Variants in ANKH observed in about 807,000 individuals in gnomAD.
ANKH encodes the protein ANKH inorganic pyrophosphate transport regulator.
ANKH carries 15 observed loss-of-function variants against 49.0 expected under a neutral mutation model. The observed-to-expected ratio is 0.31, with a 90% CI of 0.20 to 0.47. ANKH has a LOEUF of 0.47. Among genes scored for constraint, ANKH ranks in the 20% least tolerant of loss-of-function variants. ANKH has a pLI of 1.00. For synonymous variants in ANKH, 273 were observed against 260.0 expected (o/e 1.05, Z -0.48); for missense variants, 429 against 652.0 (o/e 0.66, Z 3.72).
chr5:14,751,003 G>T, intron 5 of ANKH, 66 bp downstream of exon 5: 1 of 1,578,968 alleles, frequency 6.3e-7, no homozygotes, highest in Non-Finnish European at 8.7e-7. Flanking sequence ...ATTTTACATA[G>T]AGGTGGAATA....
intron 2 of ANKH, among the ~76,000 whole-genome samples, chr5:14,763,672 C>G (rs1174069449): frequency 1.3e-5 from 2 of 152,220 alleles, no homozygotes; most frequent in Non-Finnish European, 2.9e-5. Flanking sequence ...GAGTGGGGTT[C>G]AGAAGAATTT....
At position 14,713,610 on chromosome 5, in the gene ANKH, AG is replaced by A. The variant is rs765320103; in HGVS notation, c.1198del (p.Ala401ProfsTer72). ...WLMTLKKTFV[L>X]APSSVLRIIV... ...GATCCGCAGCACAGAGCTGGGGGCA[AG>A]GACGAAGGTTTTCTTCAGTGTCATC... is the stretch of plus-strand genomic sequence containing the variant. On this transcript the variant is annotated frameshift_variant, in exon 10 of 12. Coordinates refer to ENST00000284268, the MANE Select transcript of ANKH (RefSeq NM_054027.6). LOFTEE classifies it high-confidence loss of function. This position sits in a 1 kb window ranked among gnomAD's most constrained non-coding sequence, Gnocchi z 4.4. 1 of 1,614,208 alleles carries A rather than the reference AG, an allele frequency of 6.2e-7. No homozygotes were observed. The highest frequency in any genetic ancestry group is 8.5e-7 in the Non-Finnish European group (1 of 1,180,034).
rs1735817352 is a variant in ANKH at position 14,871,369 on chromosome 5, T to C, written c.79A>G (p.Ile27Val). ...GGGCTTACCTGCTCCCCGAAGTCGA[T>C]GGCTATGTTGGTGATGCCCAGGGGC... ...LVPLGITNIA[I>V]DFGEQALNRG... is the part of the protein sequence containing the mutation. The change falls in exon 1 of 12, where the codon ATC (isoleucine) becomes GTC (valine). Residue 27 changes from isoleucine to valine, a missense_variant. Ile to Val is a conservative substitution (Grantham distance 29). Transcript: ENST00000284268. The C allele has an allele frequency of 3.1e-6, 5 of 1,612,706 alleles. No individual in the cohort carries two copies. Among genetic ancestry groups the C allele is most frequent in the Non-Finnish European group, 4.2e-6 (5 of 1,179,368 alleles).
At chr5:14,765,811 A>G (rs542124282) in intron 2 of ANKH, among the ~76,000 whole-genome samples, 1 of 152,322 alleles carries the variant, frequency 6.6e-6, no homozygotes, top group Admixed American at 6.5e-5. Flanking sequence ...CAGAGGGGAC[A>G]CTGCGTTAGT....
chr5:14,743,165 T>C (rs1007552997), intron 7 of ANKH, among the ~76,000 whole-genome samples: 14 of 152,192 alleles, frequency 9.2e-5, no homozygotes, highest in African/African-American at 2.2e-4. Flanking sequence ...CTAAAACATA[T>C]CTGTTTTCTA....
intron 1 of ANKH, among the ~76,000 whole-genome samples, chr5:14,777,579 G>C (rs1451632630): frequency 6.6e-6 from 1 of 152,200 alleles, no homozygotes; most frequent in Non-Finnish European, 1.5e-5. Flanking sequence ...CAGATCTAGA[G>C]ACCAGAAATA....
At chr5:14,739,948 T>G (rs928573959) in intron 8 of ANKH, among the ~76,000 whole-genome samples, 15 of 152,192 alleles carry the variant, frequency 9.9e-5, no homozygotes, top group Admixed American at 2.6e-4. Context: ...CTGGGAAATG[T>G]AAGCATTTTC....
rs1737335185 is a variant in ANKH, at chr5:14,713,801, A to C, written c.1142-134T>G. 1 of 1,295,038 alleles carries C rather than the reference A, an allele frequency of 7.7e-7. No homozygotes were observed. Among genetic ancestry groups the C allele is most frequent in the South Asian group, 1.2e-5 (1 of 83,336 alleles). 80.2% of individuals were successfully genotyped at this position (1,295,038 alleles called of 1,614,324 possible). A position where few individuals can be genotyped will look rare whatever the true frequency, so the allele number is the denominator to read the frequency against. ...TGGCCTTGCTGTTGAGCCGCTGGCC[A>C]CCTCATCTTCCTGCCAGGGTTCCCC... On this transcript the variant is annotated intron_variant, in intron 9 of 11. Transcript: ENST00000284268. This position sits in a 1 kb window ranked among gnomAD's most constrained non-coding sequence, Gnocchi z 4.4.
intron 1 of ANKH, among the ~76,000 whole-genome samples, chr5:14,819,380 G>A (rs925875761): frequency 9.2e-5 from 14 of 152,198 alleles, no homozygotes; most frequent in African/African-American, 1.2e-4. Context: ...AATCTGCGGC[G>A]AGGGCCTGGA....
At chr5:14,746,378 G>T (rs1738544189) in intron 6 of ANKH, among the ~76,000 whole-genome samples, 1 of 151,722 alleles carries the variant, frequency 6.6e-6, no homozygotes. Context: ...CCGAGCATTG[G>T]GGTCAGAGAT....
intron 1 of ANKH, among the ~76,000 whole-genome samples, chr5:14,771,144 T>G (rs1739417630): frequency 6.6e-6 from 1 of 152,190 alleles, no homozygotes; most frequent in Non-Finnish European, 1.5e-5. Flanking sequence ...AACGGGTGCT[T>G]GAAAGAGGAA....
intron 1 of ANKH, among the ~76,000 whole-genome samples, chr5:14,835,952 G>T (rs551068554): frequency 1.3e-5 from 2 of 152,290 alleles, no homozygotes; most frequent in Non-Finnish European, 2.9e-5. Context: ...GGGATGCAAG[G>T]CTGGTTCAAC....
intron 1 of ANKH, among the ~76,000 whole-genome samples, chr5:14,813,287 C>G (rs1247091154): frequency 4.0e-5 from 6 of 151,826 alleles, no homozygotes; most frequent in African/African-American, 1.5e-4. Context: ...TTAGCAGAAC[C>G]TATTTCTCAA....
chr5:14,713,399 C>T lies in ANKH; in HGVS notation c.1265+145G>A. The T allele has an allele frequency of 1.6e-6, 2 of 1,221,844 alleles. No individual in the cohort carries two copies. Among genetic ancestry groups the T allele is most frequent in the Non-Finnish European group, 2.3e-6 (2 of 853,936 alleles). The allele number at this position is 1,221,844 out of a possible 1,614,324, so 75.7% of individuals were successfully genotyped here. A position where few individuals can be genotyped will look rare whatever the true frequency, so the allele number is the denominator to read the frequency against. Reference sequence around the variant, plus strand: ...GGATCCCAAGAGCCTCCACCTGGTGCCTGGGCAGACACACAAAACATCATT... The same window carrying T: ...GGATCCCAAGAGCCTCCACCTGGTGTCTGGGCAGACACACAAAACATCATT... On this transcript the variant is annotated intron_variant, in intron 10 of 11. Coordinates refer to ENST00000284268, the MANE Select transcript of ANKH (RefSeq NM_054027.6). This position sits in a 1 kb window ranked among gnomAD's most constrained non-coding sequence, Gnocchi z 4.4.
intron 7 of ANKH, among the ~76,000 whole-genome samples, chr5:14,744,607 C>A (rs1038984313): frequency 1.3e-5 from 1 of 76,304 alleles, no homozygotes; most frequent in East Asian, 2.5e-4. Flanking sequence ...AGAAACTGCT[C>A]GGGAACTGCA....
chr5:14,833,762 A>G (rs1209610977), intron 1 of ANKH, among the ~76,000 whole-genome samples: 1 of 152,252 alleles, frequency 6.6e-6, no homozygotes, highest in East Asian at 1.9e-4. Context: ...TGCAAAGCAG[A>G]AAAGTACCTC....
In ANKH at chr5:14,871,361, G is replaced by T; in HGVS notation, c.87C>A (p.Phe29Leu). 1 of 1,612,762 alleles carries T rather than the reference G, an allele frequency of 6.2e-7. No individual in the cohort carries two copies. Among genetic ancestry groups the T allele is most frequent in the Non-Finnish European group, 8.5e-7 (1 of 1,179,368 alleles). ...PLGITNIAID[F>L]GEQALNRGIA... ...CGGGGCCGGGGCTTACCTGCTCCCC[G>T]AAGTCGATGGCTATGTTGGTGATGC... Residue 29 changes from phenylalanine to leucine, a missense_variant, in exon 1 of 12, where the codon TTC (phenylalanine) becomes TTA (leucine). Physicochemically the swap from Phe to Leu is conservative, Grantham distance 22. Transcript: ENST00000284268.
At chr5:14,743,843 C>A (rs1470502412) in intron 7 of ANKH, among the ~76,000 whole-genome samples, 2 of 152,206 alleles carry the variant, frequency 1.3e-5, no homozygotes, top group East Asian at 3.8e-4. Context: ...CCTCTGTGAT[C>A]AAGAATAAAA....
intron 2 of ANKH, among the ~76,000 whole-genome samples, chr5:14,759,210 C>T (rs1221848394): frequency 6.6e-5 from 10 of 152,142 alleles, no homozygotes; most frequent in Admixed American, 2.0e-4. Flanking sequence ...AGTCCTGCAC[C>T]GCTGGAAAAT....
Sources: gnomAD v4.1 joint callset for allele counts (sites outside exome capture counted in the v4.1 genomes callset) on GRCh38, gnomAD v4.1.1 for gene constraint, Gnocchi (gnomAD v3.1) non-coding constraint, MANE v1.5 for transcripts, NCBI Gene and HGNC (gene_info 2026-07-23, HGNC 2026-07-21) for gene names.